Variants in SPTB observed in about 807,000 individuals in gnomAD.
SPTB encodes spectrin beta, erythrocytic.
In SPTB, 45 loss-of-function variants were observed where a neutral mutation model predicts 256.2. That is an observed-to-expected ratio of 0.18 (90% CI 0.14 to 0.23). SPTB has a LOEUF of 0.23. Among genes scored for constraint, SPTB ranks in the 10% least tolerant of loss-of-function variants. SPTB has a pLI of 1.00. For missense variants in SPTB, 2,715 were observed against 3,040.4 expected, an observed-to-expected ratio of 0.89 and a Z score of 2.52; for synonymous variants, 1,231 against 1,243.1, an observed-to-expected ratio of 0.99 and a Z score of 0.21.
At position 64,797,788 on chromosome 14, in the gene SPTB, C is replaced by T; in HGVS notation, c.1123G>A (p.Ala375Thr). 6.2e-7 allele frequency: 1 copy of T among 1,614,168 alleles called. No homozygotes were observed. The highest frequency in any genetic ancestry group is 8.5e-7 in the Non-Finnish European group (1 of 1,180,028). Reference sequence around the variant, plus strand: ...GGTGTGTACACTTTCTGATTGTTGGCTCTCATCCGGGACTGGATGGTAAAA... The same window carrying T: ...GGTGTGTACACTTTCTGATTGTTGGTTCTCATCCGGGACTGGATGGTAAAA... ...LLFTIQSRMR[A>T]NNQKVYTPHD... Residue 375 changes from alanine (A) to threonine (T), a missense_variant, in exon 10 of 36, where the codon GCC becomes ACC. By Grantham distance (58) the Ala-to-Thr change is moderately conservative. Transcript: ENST00000644917.
rs1432711962 is a variant in SPTB, at chr14:64,764,195, T to C, written c.6345+2531A>G. Among the ~76,000 whole-genome samples, 1 of 152,010 alleles carries C rather than the reference T, an allele frequency of 6.6e-6. No individual in the cohort carries two copies. Among genetic ancestry groups the C allele is most frequent in the Non-Finnish European group, 1.5e-5 (1 of 68,004 alleles). On this transcript the variant is annotated intron_variant, in intron 32 of 35. Transcript: ENST00000644917. This position sits in a 1 kb window ranked among gnomAD's most constrained non-coding sequence, Gnocchi z 4.2. ...AGAGGCCTGCGGTTCTGTGAAGGGG[T>C]AGTTCCAGGCAGGCTGGAAGGACCA...
At position 64,873,438 on chromosome 14, in the gene SPTB, T is replaced by A. The variant is rs1566814205; in HGVS notation, c.-52+6354A>T. 1.3e-5 allele frequency among the ~76,000 whole-genome samples: 2 copies of A among 152,092 alleles called. No individual in the cohort carries two copies. Among genetic ancestry groups the A allele is most frequent in the Non-Finnish European group, 2.9e-5 (2 of 67,998 alleles). Reference sequence around the variant, plus strand: ...AGTCCAAAATGAAGCATAAGCACAATAATGCCCAGTAAATTTGGGGTAAAG... The same window carrying A: ...AGTCCAAAATGAAGCATAAGCACAAAAATGCCCAGTAAATTTGGGGTAAAG... On this transcript the variant is annotated intron_variant, in intron 1 of 35. Coordinates refer to ENST00000644917, the MANE Select transcript of SPTB (RefSeq NM_001355436.2). This position sits in a 1 kb window ranked among gnomAD's most constrained non-coding sequence, Gnocchi z 4.3.
chr14:64,782,692 C>T lies in SPTB; in HGVS notation c.4003-139G>A. 2.3e-6 allele frequency: 3 copies of T among 1,291,822 alleles called. No homozygotes were observed. The South Asian group carries it at 3.9e-5, about 17-fold the overall frequency. The allele number at this position is 1,291,822 out of a possible 1,614,324, so 80.0% of individuals were successfully genotyped here. A position where few individuals can be genotyped will look rare whatever the true frequency, so the allele number is the denominator to read the frequency against. On this transcript the variant is annotated intron_variant, in intron 19 of 35. Coordinates refer to ENST00000644917, the MANE Select transcript of SPTB (RefSeq NM_001355436.2). ...TTCATAGAACATGGGTAAGACTCAACTGAAATGAACTCTGAATCCCCAGCA... is the reference window on the plus strand; with the variant it reads ...TTCATAGAACATGGGTAAGACTCAATTGAAATGAACTCTGAATCCCCAGCA...
chr14:64,785,594 G>C lies in SPTB; in HGVS notation c.3798C>G (p.Ala1266=), dbSNP rs778881942. 2 of 1,614,114 alleles carry C rather than the reference G, an allele frequency of 1.2e-6. No homozygotes were observed. The highest frequency in any genetic ancestry group is 8.5e-7 in the Non-Finnish European group (1 of 1,180,016). Residue 1266 remains alanine (A), a synonymous_variant, in exon 18 of 36, where the codon GCC becomes GCG. Coordinates refer to ENST00000644917, the MANE Select transcript of SPTB (RefSeq NM_001355436.2). This position sits in a 1 kb window ranked among gnomAD's most constrained non-coding sequence, Gnocchi z 4.4. ...CCAGGTTGTCTCTCAGTAGGACAGAGGCCTCCTGGGCCTTCTCGTTGTTCT... is the reference window on the plus strand; with the variant it reads ...CCAGGTTGTCTCTCAGTAGGACAGACGCCTCCTGGGCCTTCTCGTTGTTCT... ...HRKNNEKAQE[A]SVLLRDNLEL...
chr14:64,781,959 C>G (rs565927676), intron 20 of SPTB, among the ~76,000 whole-genome samples: 19 of 152,292 alleles, frequency 1.2e-4, no homozygotes, highest in Middle Eastern at 3.4e-3. Context: ...CAAACTGATG[C>G]AGAAACAGAA....
intron 1 of SPTB, among the ~76,000 whole-genome samples, chr14:64,865,548 G>A (rs749847236): frequency 1.1e-4 from 17 of 152,034 alleles, no homozygotes; most frequent in Non-Finnish European, 2.1e-4. Context: ...GGTCAGATGC[G>A]GTGAGAGCAG....
At chr14:64,761,370 G>A (rs1364698921) in intron 32 of SPTB, among the ~76,000 whole-genome samples, 1 of 152,232 alleles carries the variant, frequency 6.6e-6, no homozygotes, top group Non-Finnish European at 1.5e-5. Context: ...GGAGAAAGCA[G>A]AAGCTGTTGC....
chr14:64,771,298 CT>C (rs2082275090), intron 26 of SPTB, among the ~76,000 whole-genome samples, 169 bp from the exon 27 acceptor site: 1 of 152,218 alleles, frequency 6.6e-6, no homozygotes, highest in South Asian at 2.1e-4. Flanking sequence ...AGACTCCTTG[CT>C]TTAACACCTC....
At chr14:64,859,720 CTATATATA>C (rs754269849) in intron 1 of SPTB, among the ~76,000 whole-genome samples, 978 of 17,864 alleles carry the variant, frequency 0.055, 11 homozygotes, top group African/African-American at 0.092. Flanking sequence ...CTCTCTCTCT[CTATATATA>C]TATATATATG....
chr14:64,808,479 G>A (rs1288204528), intron 2 of SPTB, among the ~76,000 whole-genome samples: 3 of 152,192 alleles, frequency 2.0e-5, no homozygotes, highest in Non-Finnish European at 4.4e-5. Context: ...CAAAGGTTTA[G>A]TTTCAGGTCA....
rs558445738 is a variant in SPTB at position 64,759,189 on chromosome 14, A to G, written c.6346-5396T>C. On this transcript the variant is annotated intron_variant, in intron 32 of 35. Coordinates refer to ENST00000644917, the MANE Select transcript of SPTB (RefSeq NM_001355436.2). This position sits in a 1 kb window ranked among gnomAD's most constrained non-coding sequence, Gnocchi z 4.8. ...CATGGCCCTGCTTCCTATCCACACAATGCCTCTGAAATCGGAAAGGGCACC... is the reference window on the plus strand; with the variant it reads ...CATGGCCCTGCTTCCTATCCACACAGTGCCTCTGAAATCGGAAAGGGCACC... Among the ~76,000 whole-genome samples, 129 of 152,306 alleles carry G rather than the reference A, an allele frequency of 8.5e-4. No individual in the cohort carries two copies. The highest frequency in any genetic ancestry group is 4.4e-5 in the Non-Finnish European group (3 of 68,022).
chr14:64,836,989 C>T (rs1043713622), intron 1 of SPTB, among the ~76,000 whole-genome samples: 4 of 152,218 alleles, frequency 2.6e-5, no homozygotes, highest in African/African-American at 9.7e-5. Context: ...TATTCAGCAC[C>T]TTCAAATCAT....
At chr14:64,800,910 T>C (rs1407793526) in intron 7 of SPTB, 42 bp from the exon 8 acceptor site, 5 of 1,525,028 alleles carry the variant, frequency 3.3e-6, no homozygotes, top group East Asian at 2.3e-5. Flanking sequence ...AAACTGGAAG[T>C]CGGGAAAGTC....
intron 2 of SPTB, among the ~76,000 whole-genome samples, chr14:64,821,093 C>T (rs990617048): frequency 2.0e-5 from 3 of 152,194 alleles, no homozygotes; most frequent in Non-Finnish European, 4.4e-5. Flanking sequence ...GCCAGAATCA[C>T]ACACACCCTT....
In SPTB at chr14:64,758,045, A is replaced by C. The variant is rs1008674195; in HGVS notation, c.6346-4252T>G. On this transcript the variant is annotated intron_variant, in intron 32 of 35. Coordinates refer to ENST00000644917, the MANE Select transcript of SPTB (RefSeq NM_001355436.2). This position sits in a 1 kb window ranked among gnomAD's most constrained non-coding sequence, Gnocchi z 4.6. Reference sequence around the variant, plus strand: ...GGGAGAGAACCTTCCTGACTCAGTTAGTGGGAGTGAGCCCATGACCTACTT... The same window carrying C: ...GGGAGAGAACCTTCCTGACTCAGTTCGTGGGAGTGAGCCCATGACCTACTT... Among the ~76,000 whole-genome samples, 6 of 152,184 alleles carry C rather than the reference A, an allele frequency of 3.9e-5. No individual in the cohort carries two copies. The highest frequency in any genetic ancestry group is 1.4e-4 in the African/African-American group (6 of 41,442).
Position 64,844,267 on chromosome 14 carries a change from C to T in SPTB, c.-51-21122G>A, listed in dbSNP as rs542516105. Among the ~76,000 whole-genome samples, 1 of 152,200 alleles carries T rather than the reference C, an allele frequency of 6.6e-6. No individual in the cohort carries two copies. The highest frequency in any genetic ancestry group is 1.9e-4 in the East Asian group (1 of 5,198). ...TTACCCTTGACTGCCAGCAAATGCACGTCCTCAGTTGTGAATTATCCACCT... is the reference window on the plus strand; with the variant it reads ...TTACCCTTGACTGCCAGCAAATGCATGTCCTCAGTTGTGAATTATCCACCT... On this transcript the variant is annotated intron_variant, in intron 1 of 35. Coordinates refer to ENST00000644917, the MANE Select transcript of SPTB (RefSeq NM_001355436.2). The surrounding 1 kb of genome is among the most constrained non-coding windows in gnomAD (Gnocchi z 4.1).
chr14:64,757,208 CT>C (rs1810486237), intron 32 of SPTB: 1 of 152,258 alleles, frequency 6.6e-6, no homozygotes, highest in Admixed American at 6.5e-5. Context: ...ATGTTTGCCC[CT>C]CTTACCCAGC....
intron 2 of SPTB, among the ~76,000 whole-genome samples, chr14:64,818,810 A>C (rs1046503761): frequency 6.6e-6 from 1 of 152,210 alleles, no homozygotes. Flanking sequence ...CTATTGAAAC[A>C]TGAAGGCTGG....
chr14:64,843,756 G>A (rs1263706630), intron 1 of SPTB, among the ~76,000 whole-genome samples: 1 of 152,114 alleles, frequency 6.6e-6, no homozygotes, highest in Admixed American at 6.5e-5. Flanking sequence ...GCTCACCTTG[G>A]CAACACCCCT....
Sources: gnomAD v4.1 joint callset for allele counts (sites outside exome capture counted in the v4.1 genomes callset) on GRCh38, gnomAD v4.1.1 for gene constraint, Gnocchi (gnomAD v3.1) non-coding constraint, MANE v1.5 for transcripts, NCBI Gene and HGNC (gene_info 2026-07-23, HGNC 2026-07-21) for gene names.